Variants in SEC63 observed in about 807,000 individuals in gnomAD.
SEC63 encodes SEC63 protein translocation regulator.
A neutral mutation model predicts 116.2 loss-of-function variants in SEC63; 56 were observed. The ratio of observed to expected loss-of-function variants is 0.48; its 90% CI spans 0.39 to 0.60. SEC63 has a LOEUF of 0.60. Ranked by LOEUF, SEC63 falls within the 20% of genes least tolerant of loss-of-function variation. SEC63 has a pLI of 0.00. For synonymous variants in SEC63, 273 were observed against 294.6 expected (o/e 0.93, Z 0.75); for missense variants, 668 against 900.0 (o/e 0.74, Z 3.30).
intron 4 of SEC63, 118 bp downstream of exon 4, chr6:107,921,679 T>C (rs1787559543): frequency 1.3e-6 from 1 of 747,198 alleles, no homozygotes; most frequent in Admixed American, 1.9e-5. Flanking sequence ...CTCAAACTCC[T>C]GGGCTCAAGC....
chr6:107,906,359 C>G (rs574532950), intron 10 of SEC63, 89 bp downstream of exon 10: 4 of 1,396,236 alleles, frequency 2.9e-6, no homozygotes, highest in East Asian at 2.3e-5. Context: ...TAGAGCAATG[C>G]GAGAACAAAC....
intron 4 of SEC63, among the ~76,000 whole-genome samples, chr6:107,917,298 G>A (rs1787428412): frequency 6.6e-6 from 1 of 152,134 alleles, no homozygotes; most frequent in South Asian, 2.1e-4. Flanking sequence ...TAGATATGTG[G>A]GTAAATCTCT....
intron 13 of SEC63, among the ~76,000 whole-genome samples, chr6:107,898,040 G>A (rs779861169): frequency 3.9e-5 from 6 of 152,202 alleles, no homozygotes; most frequent in African/African-American, 1.2e-4. Context: ...CAAGGTAGGC[G>A]GATGGCATGA....
At chr6:107,942,689 A>G (rs1770402993) in intron 1 of SEC63, among the ~76,000 whole-genome samples, 1 of 152,228 alleles carries the variant, frequency 6.6e-6, no homozygotes, top group African/African-American at 2.4e-5. Flanking sequence ...CCAAAACTTA[A>G]CTACTAATAG....
intron 4 of SEC63, among the ~76,000 whole-genome samples, chr6:107,914,391 T>G (rs1392486361): frequency 2.0e-5 from 3 of 152,146 alleles, no homozygotes; most frequent in African/African-American, 7.2e-5. Flanking sequence ...CAATGTAGTT[T>G]CTATTTAACA....
chr6:107,878,951 T>TG lies in SEC63; in HGVS notation c.1935+2197_1935+2198insC, dbSNP rs11394865. Among the ~76,000 whole-genome samples the TG allele has an allele frequency of 1.1e-4, 16 of 152,244 alleles. No homozygotes were observed. In the East Asian group the frequency reaches 3.1e-3, roughly 29 times the overall value. On this transcript the variant is annotated intron_variant, in intron 18 of 20. Coordinates refer to ENST00000369002, the MANE Select transcript of SEC63 (RefSeq NM_007214.5). ...ATGCACATGTTAAAAGTGAAACAGA[T>TG]TTCTATGAGTTACCTGTATTTTAGA...
At chr6:107,939,846 T>C (rs1296369857) in intron 1 of SEC63, among the ~76,000 whole-genome samples, 2 of 152,150 alleles carry the variant, frequency 1.3e-5, no homozygotes, top group African/African-American at 4.8e-5. Context: ...ATAAAAGGCA[T>C]GAAAATAACT....
chr6:107,909,787 C>T (rs912103586), intron 7 of SEC63, among the ~76,000 whole-genome samples: 1 of 152,126 alleles, frequency 6.6e-6, no homozygotes. Flanking sequence ...ATTCTTGCAA[C>T]AATCCTTTGA....
At chr6:107,931,073 T>C (rs909196287) in intron 1 of SEC63, among the ~76,000 whole-genome samples, 1 of 152,100 alleles carries the variant, frequency 6.6e-6, no homozygotes, top group African/African-American at 2.4e-5. Context: ...CTCACACCTG[T>C]AATCCCAGCA....
In SEC63 at chr6:107,893,737, C is replaced by T. The variant is rs552253295; in HGVS notation, c.1501-82G>A. ...TGTAGTAATTTTTAGGTGGAAATAG[C>T]TAAACTGAATTACTCTCCCAGAGCA... is the stretch of plus-strand genomic sequence containing the variant. On this transcript the variant is annotated intron_variant, in intron 15 of 20. Transcript: ENST00000369002. 2.7e-5 allele frequency: 43 copies of T among 1,592,854 alleles called. No homozygotes were observed. The East Asian group carries it at 8.7e-4, about 32-fold the overall frequency.
chr6:107,897,174 G>A (rs1374562948), intron 14 of SEC63, among the ~76,000 whole-genome samples: 1 of 152,068 alleles, frequency 6.6e-6, no homozygotes, highest in East Asian at 1.9e-4. Flanking sequence ...GGGATTTTAG[G>A]TAGTTTTAAT....
In SEC63 at chr6:107,868,220, T is replaced by G. The variant is rs1786042069; in HGVS notation, c.*3484A>C. The G allele has an allele frequency of 5.1e-5, 1 of 19,434 alleles. No individual in the cohort carries two copies. The highest frequency in any genetic ancestry group is 1.2e-4 in the Non-Finnish European group (1 of 8,682). 1.2% of individuals were successfully genotyped at this position (19,434 alleles called of 1,614,324 possible). On this transcript the variant is annotated 3_prime_UTR_variant, in exon 21 of 21. Transcript: ENST00000369002. ...TCAGACCGTTTGTGGGAAAATTGTT[T>G]CTTAAAAAAAAAAAAACATTTTAAA...
At chr6:107,896,695 C>T (rs776959892) in intron 14 of SEC63, among the ~76,000 whole-genome samples, 2 of 151,960 alleles carry the variant, frequency 1.3e-5, no homozygotes, top group African/African-American at 2.4e-5. Flanking sequence ...ATGAGAGAGA[C>T]GGGCTGAGTG....
intron 10 of SEC63, among the ~76,000 whole-genome samples, chr6:107,906,216 G>C (rs1210493655): frequency 6.6e-6 from 1 of 152,156 alleles, no homozygotes; most frequent in Non-Finnish European, 1.5e-5. Flanking sequence ...GCCTTTGCCT[G>C]CTCTGGCTTT....
intron 14 of SEC63, among the ~76,000 whole-genome samples, chr6:107,897,377 A>C (rs564616456): frequency 6.6e-6 from 1 of 152,344 alleles, no homozygotes; most frequent in South Asian, 2.1e-4. Flanking sequence ...TCTGTATAGC[A>C]CTTCACAGCT....
At chr6:107,955,888 AAAT>A (rs1770701326) in intron 1 of SEC63, 1 of 225,570 alleles carries the variant, frequency 4.4e-6, no homozygotes, top group Non-Finnish European at 8.7e-6. Flanking sequence ...GTCTCTAAAT[AAAT>A]AAATAAATAA....
chr6:107,874,619 C>T (rs1282481822), intron 19 of SEC63, among the ~76,000 whole-genome samples: 2 of 139,490 alleles, frequency 1.4e-5, no homozygotes, highest in South Asian at 4.5e-4. Context: ...AAAAAAAGAA[C>T]AAGAACAAGA....
intron 14 of SEC63, among the ~76,000 whole-genome samples, chr6:107,896,806 C>G (rs771865823): frequency 2.6e-5 from 4 of 151,982 alleles, no homozygotes; most frequent in Non-Finnish European, 5.9e-5. Flanking sequence ...TGGTGAAACC[C>G]CATCTCTACT....
chr6:107,900,751 A>ATT (rs1786982456), intron 13 of SEC63, among the ~76,000 whole-genome samples: 1 of 152,220 alleles, frequency 6.6e-6, no homozygotes, highest in Non-Finnish European at 1.5e-5. Context: ...AACTTAGCAA[A>ATT]TGTTAAAGCT....
Sources: allele counts gnomAD v4.1 joint callset (sites outside exome capture counted in the v4.1 genomes callset), GRCh38; gene constraint gnomAD v4.1.1; transcripts MANE v1.5; gene names NCBI Gene and HGNC (gene_info 2026-07-23, HGNC 2026-07-21).